The following UBE2U variants were observed in gnomAD, a reference collection of about 807,000 sequenced individuals.
UBE2U encodes ubiquitin conjugating enzyme E2 U.
A neutral mutation model predicts 41.2 loss-of-function variants in UBE2U; 39 were observed. That is an observed-to-expected ratio of 0.95 (90% CI 0.73 to 1.24). The LOEUF (loss-of-function observed/expected upper bound fraction) is 1.24. UBE2U is among the 50% of genes most tolerant of loss of function. The probability of loss-of-function intolerance (pLI) is 0.00; values close to 1 mark genes in which losing one functional copy is unlikely to be tolerated. For synonymous variants in UBE2U, 107 were observed against 117.8 expected (o/e 0.91, Z 0.60); for missense variants, 336 against 363.1 (o/e 0.93, Z 0.61).
chr1:64,236,052 AGTTT>A (rs1644661625), intron 7 of UBE2U, among the ~76,000 whole-genome samples: 1 of 152,124 alleles, frequency 6.6e-6, no homozygotes, highest in Non-Finnish European at 1.5e-5. Context: ...GATTTACCAG[AGTTT>A]CATCCTGGGT....
At chr1:64,210,086 A>G (rs1651571110) in intron 3 of UBE2U, among the ~76,000 whole-genome samples, 1 of 152,182 alleles carries the variant, frequency 6.6e-6, no homozygotes, top group Admixed American at 6.5e-5. Context: ...ATAAATTTAT[A>G]TTTAAGATCT....
At chr1:64,235,279 CTGAGACTT>C (rs1644644670) in intron 7 of UBE2U, among the ~76,000 whole-genome samples, 1 of 152,166 alleles carries the variant, frequency 6.6e-6, no homozygotes, top group Admixed American at 6.5e-5. Flanking sequence ...AGATGAATTT[CTGAGACTT>C]TGAATCTAGC....
At chr1:64,239,155 A>AG (rs1557730904) in intron 7 of UBE2U, among the ~76,000 whole-genome samples, 21 of 24,174 alleles carry the variant, frequency 8.7e-4, no homozygotes, top group African/African-American at 3.5e-3. Context: ...AAGAAGAAGA[A>AG]GAAAGAAGAA....
intron 9 of UBE2U, among the ~76,000 whole-genome samples, chr1:64,266,590 C>T (rs1268699212): frequency 6.6e-6 from 1 of 152,196 alleles, no homozygotes; most frequent in Non-Finnish European, 1.5e-5. Context: ...GTCAAGTCCT[C>T]TCATACCTTT....
chr1:64,264,399 G>A (rs1570167562), intron 9 of UBE2U, among the ~76,000 whole-genome samples: 3 of 152,280 alleles, frequency 2.0e-5, no homozygotes, highest in Admixed American at 2.0e-4. Flanking sequence ...GTCTCAGAGA[G>A]ATTTATAATG....
At chr1:64,248,005 G>A (rs1271640991) in intron 8 of UBE2U, among the ~76,000 whole-genome samples, 1 of 152,106 alleles carries the variant, frequency 6.6e-6, no homozygotes, top group African/African-American at 2.4e-5. Context: ...CAGTCTTCCA[G>A]CCAGCAGAAT....
intron 4 of UBE2U, among the ~76,000 whole-genome samples, chr1:64,213,640 A>G (rs1351308460): frequency 6.6e-6 from 1 of 152,224 alleles, no homozygotes; most frequent in Non-Finnish European, 1.5e-5. Flanking sequence ...ACCAAAGACA[A>G]TGCTGACATT....
intron 4 of UBE2U, among the ~76,000 whole-genome samples, chr1:64,212,830 G>A (rs966894171): frequency 1.3e-5 from 2 of 152,140 alleles, no homozygotes; most frequent in African/African-American, 4.8e-5. Flanking sequence ...CCTCTAGTTA[G>A]TTAACATTAT....
In UBE2U at chr1:64,232,191, A is replaced by C. The variant is rs969225460; in HGVS notation, c.507-370A>C. Among the ~76,000 whole-genome samples, 3 of 152,216 alleles carry C rather than the reference A, an allele frequency of 2.0e-5. No individual in the cohort carries two copies. In the East Asian group the frequency reaches 5.8e-4, roughly 29 times the overall value. The stretch of plus-strand genomic sequence containing the variant: ...CTAGAATTTGGCATTGAAGTTCAAG[A>C]AAAATGTTTATTGTTTCTTATAGAA... On this transcript the variant is annotated intron_variant, in intron 6 of 9. Coordinates refer to ENST00000371077, the MANE Select transcript of UBE2U (RefSeq NM_001366232.2).
intron 8 of UBE2U, among the ~76,000 whole-genome samples, chr1:64,255,366 T>C (rs1645073672): frequency 6.6e-6 from 1 of 152,112 alleles, no homozygotes; most frequent in African/African-American, 2.4e-5. Flanking sequence ...CCATTTCTAC[T>C]GAAACTATTC....
At chr1:64,262,199 G>C (rs914454678) in intron 9 of UBE2U, among the ~76,000 whole-genome samples, 4 of 152,052 alleles carry the variant, frequency 2.6e-5, no homozygotes, top group African/African-American at 9.7e-5. Flanking sequence ...TTCAGTTCGG[G>C]TATTACCTTT....
At chr1:64,224,516 A>G (rs1430379096) in intron 6 of UBE2U, among the ~76,000 whole-genome samples, 1 of 152,150 alleles carries the variant, frequency 6.6e-6, no homozygotes, top group African/African-American at 2.4e-5. Flanking sequence ...TGAGGTCAGC[A>G]GTTTAAAACC....
intron 9 of UBE2U, among the ~76,000 whole-genome samples, chr1:64,262,748 T>C (rs965291166): frequency 1.3e-5 from 2 of 152,184 alleles, no homozygotes; most frequent in Non-Finnish European, 2.9e-5. Flanking sequence ...TTAGAAGTCA[T>C]GGGTCCTATC....
intron 8 of UBE2U, among the ~76,000 whole-genome samples, chr1:64,250,944 A>G (rs12406611): frequency 0.22 from 32,126 of 148,352 alleles, 3,774 homozygotes; most frequent in Middle Eastern, 0.34. Flanking sequence ...GTATAGCATT[A>G]GGAGATACAC....
intron 7 of UBE2U, among the ~76,000 whole-genome samples, chr1:64,234,589 A>G (rs2100405107): frequency 6.6e-6 from 1 of 152,270 alleles, no homozygotes; most frequent in African/African-American, 2.4e-5. Context: ...AAGAAATCAC[A>G]TGTTCTTTCA....
chr1:64,239,096 GA>G (rs1190215282), intron 7 of UBE2U, among the ~76,000 whole-genome samples: 43 of 6,308 alleles, frequency 6.8e-3, no homozygotes, highest in Non-Finnish European at 8.2e-3. Flanking sequence ...GGAAGAGGAA[GA>G]AGAAGAAGAA....
At chr1:64,222,952 T>G in intron 6 of UBE2U, among the ~76,000 whole-genome samples, 1 of 152,158 alleles carries the variant, frequency 6.6e-6, no homozygotes, top group Admixed American at 6.5e-5. Flanking sequence ...GGGAATCTAG[T>G]TGATGTTCAG....
chr1:64,263,135 TTG>T (rs1432004695), intron 9 of UBE2U, among the ~76,000 whole-genome samples: 1 of 152,212 alleles, frequency 6.6e-6, no homozygotes, highest in Admixed American at 6.5e-5. Context: ...GTGCTGAGCC[TTG>T]TCCTCTTTAA....
chr1:64,241,595 A>G (rs1448670491), intron 7 of UBE2U, 57 bp from the exon 8 acceptor site: 1 of 1,250,996 alleles, frequency 8.0e-7, no homozygotes, highest in African/African-American at 1.5e-5. Flanking sequence ...ACTTTTAACT[A>G]TTAACTATTA....
Sources: gnomAD v4.1 joint callset for allele counts (sites outside exome capture counted in the v4.1 genomes callset) on GRCh38, gnomAD v4.1.1 for gene constraint, MANE v1.5 for transcripts, NCBI Gene and HGNC (gene_info 2026-07-23, HGNC 2026-07-21) for gene names.